DPP10: variants seen among roughly 807,000 people sequenced by gnomAD.
DPP10 encodes the protein inactive dipeptidyl peptidase 10.
In DPP10, 33 loss-of-function variants were observed where a neutral mutation model predicts 120.9. The observed-to-expected ratio is 0.27, with a 90% confidence interval of 0.21 to 0.37. DPP10 has a LOEUF of 0.37. Ranked by LOEUF, DPP10 falls within the 10% of genes least tolerant of loss-of-function variation. The pLI is 1.00. For synonymous variants in DPP10, 337 were observed against 326.1 expected, an observed-to-expected ratio of 1.03 and a Z score of -0.36; for missense variants, 816 against 942.8, an observed-to-expected ratio of 0.87 and a Z score of 1.76.
At chr2:115,511,728 C>CTTT (rs1249835764) in intron 4 of DPP10, among the ~76,000 whole-genome samples, 5 of 71,194 alleles carry the variant, frequency 7.0e-5, no homozygotes, top group South Asian at 4.9e-4. Context: ...TCTTCTTCTT[C>CTTT]TTCTTTTTTT....
At chr2:115,654,439 A>T (rs2088100992) in intron 5 of DPP10, among the ~76,000 whole-genome samples, 1 of 151,888 alleles carries the variant, frequency 6.6e-6, no homozygotes, top group Admixed American at 6.6e-5. Context: ...TAATTTAATG[A>T]TTTTTCCTAA....
chr2:115,816,017 A>G (rs1687189560), intron 21 of DPP10, among the ~76,000 whole-genome samples: 1 of 151,884 alleles, frequency 6.6e-6, no homozygotes, highest in Non-Finnish European at 1.5e-5. Context: ...ATTCCTCTGT[A>G]TTATCCTTTA....
At chr2:114,789,677 AAAAG>A (rs1301678815) in intron 1 of DPP10, among the ~76,000 whole-genome samples, 1 of 152,206 alleles carries the variant, frequency 6.6e-6, no homozygotes, top group East Asian at 1.9e-4. Flanking sequence ...AGACGACAGA[AAAAG>A]AAATCACCAA....
At chr2:115,357,679 G>A (rs911557050) in intron 3 of DPP10, among the ~76,000 whole-genome samples, 13 of 152,280 alleles carry the variant, frequency 8.5e-5, no homozygotes, top group African/African-American at 3.1e-4. Flanking sequence ...CTATGTGGGG[G>A]CTCCTACTCC....
intron 5 of DPP10, among the ~76,000 whole-genome samples, chr2:115,642,417 C>T (rs1053752069): frequency 6.6e-6 from 1 of 152,114 alleles, no homozygotes; most frequent in African/African-American, 2.4e-5. Flanking sequence ...ATTGACCTTC[C>T]TTAAGCAAGA....
intron 1 of DPP10, among the ~76,000 whole-genome samples, chr2:114,912,600 A>G (rs1350999546): frequency 6.6e-6 from 1 of 152,104 alleles, no homozygotes; most frequent in Non-Finnish European, 1.5e-5. Context: ...ATCTTTGAAA[A>G]GAAGGCATTG....
At chr2:114,635,266 G>T (rs542332196) in intron 1 of DPP10, among the ~76,000 whole-genome samples, 1 of 151,596 alleles carries the variant, frequency 6.6e-6, no homozygotes, top group Non-Finnish European at 1.5e-5. Flanking sequence ...TTAATAGCAT[G>T]GTCTAATTAA....
chr2:114,569,152 C>A (rs975665784), intron 1 of DPP10, among the ~76,000 whole-genome samples: 3 of 152,112 alleles, frequency 2.0e-5, no homozygotes, highest in Non-Finnish European at 4.4e-5. Flanking sequence ...GATATGCTGA[C>A]TTTTTAACAC....
At chr2:115,153,730 AT>A (rs2051716757) in intron 1 of DPP10, among the ~76,000 whole-genome samples, 1 of 152,072 alleles carries the variant, frequency 6.6e-6, no homozygotes, top group African/African-American at 2.4e-5. Flanking sequence ...CATAAACTTT[AT>A]TTTTCCCTAA....
chr2:115,394,469 C>CAAAAAAAAAAAAAA (rs34655384), intron 3 of DPP10, among the ~76,000 whole-genome samples: 1 of 91,148 alleles, frequency 1.1e-5, no homozygotes, highest in African/African-American at 4.4e-5. Flanking sequence ...TCAACCTCAC[C>CAAAAAAAAAAAAAA]AAAAAAAAAA....
chr2:115,780,629 G>A (rs987517374), intron 15 of DPP10, among the ~76,000 whole-genome samples: 10 of 151,600 alleles, frequency 6.6e-5, no homozygotes, highest in African/African-American at 1.5e-4. Flanking sequence ...ACATACAAGT[G>A]TACATATTAC....
In DPP10 at chr2:115,343,759, C is replaced by T. The variant is rs76093479; in HGVS notation, c.176-58C>T. 4.1e-3 allele frequency: 4,982 copies of T among 1,214,198 alleles called. 155 individuals carry two copies. The African/African-American group carries it at 0.064, about 16-fold the overall frequency. 75.2% of individuals were successfully genotyped at this position (1,214,198 alleles called of 1,614,324 possible). A position where few individuals can be genotyped will look rare whatever the true frequency, so the allele number is the denominator to read the frequency against. On this transcript the variant is annotated intron_variant, in intron 2 of 25. Transcript: ENST00000410059. ...CAAATATTCCAAATTTTGTAATTTGCTCCTTTTAAAAAACAAGCATAAGAT... is the reference window on the plus strand; with the variant it reads ...CAAATATTCCAAATTTTGTAATTTGTTCCTTTTAAAAAACAAGCATAAGAT...
chr2:115,109,333 C>A (rs567467878), intron 1 of DPP10, among the ~76,000 whole-genome samples: 3 of 151,970 alleles, frequency 2.0e-5, no homozygotes, highest in Non-Finnish European at 4.4e-5. Context: ...GTCAGGAGAT[C>A]GAGACCATCC....
chr2:114,903,284 C>A lies in DPP10; in HGVS notation c.61-405955C>A, dbSNP rs146368520. ...ATTTCTGTGCAGGTTTTTGTGTGAA[C>A]AAACCTGTGAGTTAATACCAAGGCA... On this transcript the variant is annotated intron_variant, in intron 1 of 25. Transcript: ENST00000410059. 6.1e-3 allele frequency among the ~76,000 whole-genome samples: 933 copies of A among 152,250 alleles called. 7 individuals carry two copies. Among genetic ancestry groups the A allele is most frequent in the African/African-American group, 0.021 (872 of 41,538 alleles).
intron 19 of DPP10, among the ~76,000 whole-genome samples, chr2:115,796,327 AT>A (rs896057843): frequency 2.0e-5 from 3 of 152,148 alleles, no homozygotes; most frequent in African/African-American, 7.2e-5. Flanking sequence ...AGATTACAAC[AT>A]TTACTTTGCT....
chr2:114,660,197 C>A (rs1395811836), intron 1 of DPP10, among the ~76,000 whole-genome samples: 1 of 152,266 alleles, frequency 6.6e-6, no homozygotes, highest in East Asian at 1.9e-4. Flanking sequence ...GTGTTTCCTG[C>A]CTGATCATTA....
At chr2:114,523,108 A>G (rs951389422) in intron 1 of DPP10, among the ~76,000 whole-genome samples, 1 of 152,138 alleles carries the variant, frequency 6.6e-6, no homozygotes, top group Non-Finnish European at 1.5e-5. Flanking sequence ...TCCTTAGAGG[A>G]AGGATGTGGA....
At chr2:114,830,640 A>G (rs11123256) in intron 1 of DPP10, among the ~76,000 whole-genome samples, 104,167 of 152,136 alleles carry the variant, frequency 0.68, 38,643 homozygotes, top group East Asian at 0.88. Flanking sequence ...ATCGAAGCAG[A>G]TATAACAACC....
chr2:114,569,242 T>C (rs1294051483), intron 1 of DPP10, among the ~76,000 whole-genome samples: 2 of 152,176 alleles, frequency 1.3e-5, no homozygotes, highest in East Asian at 3.9e-4. Flanking sequence ...GTTATCCATA[T>C]GAGGAGCTGG....
Sources: gnomAD v4.1 joint callset for allele counts (sites outside exome capture counted in the v4.1 genomes callset) on GRCh38, gnomAD v4.1.1 for gene constraint, MANE v1.5 for transcripts, NCBI Gene and HGNC (gene_info 2026-07-23, HGNC 2026-07-21) for gene names.